The following ATP9B variants were observed in gnomAD, a reference collection of about 807,000 sequenced individuals.
ATP9B encodes the protein probable phospholipid-transporting ATPase IIB.
Under a neutral mutation model 146.1 loss-of-function variants are expected in ATP9B, and 110 were observed. The observed-to-expected ratio is 0.75, with a 90% CI of 0.65 to 0.88. The LOEUF (loss-of-function observed/expected upper bound fraction) is 0.88, where lower values mean the gene tolerates loss of function less well. Among genes scored for constraint, ATP9B ranks in the 40% least tolerant of loss-of-function variants. The pLI, the probability that ATP9B is intolerant of heterozygous loss-of-function variation, is 0.00. For missense variants in ATP9B, 1,499 were observed against 1,496.4 expected, an observed-to-expected ratio of 1.00 and a Z score of -0.03; for synonymous variants, 604 against 569.7, an observed-to-expected ratio of 1.06 and a Z score of -0.86.
chr18:79,347,758 C>T lies in ATP9B; in HGVS notation c.2683-12C>T. On this transcript the variant is annotated splice_polypyrimidine_tract_variant and intron_variant, in intron 23 of 29. Coordinates refer to ENST00000426216, the MANE Select transcript of ATP9B (RefSeq NM_198531.5). ...GCCATGTTTGAAAAGGCCCCGTGTG[C>T]TTTTCTCTCAGGAGGGTAAACAGGC... The T allele has an allele frequency of 6.5e-7, 1 of 1,532,630 alleles. No homozygotes were observed. Among genetic ancestry groups the T allele is most frequent in the Non-Finnish European group, 8.8e-7 (1 of 1,139,706 alleles). The allele number at this position is 1,532,630 out of a possible 1,614,324, so 94.9% of individuals were successfully genotyped here.
At chr18:79,100,965 TG>T in intron 2 of ATP9B, among the ~76,000 whole-genome samples, 1 of 152,292 alleles carries the variant, frequency 6.6e-6, no homozygotes, top group South Asian at 2.1e-4. Flanking sequence ...GTGGGAATTG[TG>T]GGAGTTAAAT....
rs376452932 is a variant in ATP9B at position 79,329,130 on chromosome 18, G to A, written c.1774-11G>A. The stretch of plus-strand genomic sequence containing the variant: ...GCAGCGGTGGCCTCAGTTGTTGCTG[G>A]TCTCCCGTAGGTCGCTCTGGTGCAG... On this transcript the variant is annotated splice_polypyrimidine_tract_variant and intron_variant, in intron 15 of 29. Transcript: ENST00000426216. 36 of 1,540,808 alleles carry A rather than the reference G, an allele frequency of 2.3e-5. No homozygotes were observed. In the East Asian group the frequency reaches 5.7e-4, roughly 25 times the overall value.
At chr18:79,346,447 C>T (rs540379406) in intron 23 of ATP9B, among the ~76,000 whole-genome samples, 114 of 140,980 alleles carry the variant, frequency 8.1e-4, no homozygotes, top group Non-Finnish European at 1.4e-3. Context: ...GCTCAGCGCA[C>T]AGTCAGCACA....
In ATP9B at chr18:79,341,809, G is replaced by C. The variant is rs113952487; in HGVS notation, c.2284-459G>C. On this transcript the variant is annotated intron_variant, in intron 19 of 29. Transcript: ENST00000426216. Reference sequence around the variant, plus strand: ...ATTTAGTTGTGGTTGGATGTGTGTAGCGTGACCTTGTTGAAGTTTGCGTTG... The same window carrying C: ...ATTTAGTTGTGGTTGGATGTGTGTACCGTGACCTTGTTGAAGTTTGCGTTG... Among the ~76,000 whole-genome samples the C allele has an allele frequency of 6.0e-3, 917 of 152,054 alleles. 6 individuals are homozygous for C. The highest frequency in any genetic ancestry group is 0.021 in the African/African-American group (861 of 41,386).
chr18:79,102,769 A>G (rs781480074), intron 2 of ATP9B, among the ~76,000 whole-genome samples: 1 of 152,210 alleles, frequency 6.6e-6, no homozygotes, highest in Non-Finnish European at 1.5e-5. Flanking sequence ...GATCATGAAC[A>G]TGGTACCTTT....
At chr18:79,377,159 G>A in intron 29 of ATP9B, 88 bp from the exon 30 acceptor site, 1 of 1,500,994 alleles carries the variant, frequency 6.7e-7, no homozygotes, top group Non-Finnish European at 9.1e-7. Flanking sequence ...TAGACCGTCT[G>A]GTGGCCTGGC....
intron 15 of ATP9B, among the ~76,000 whole-genome samples, chr18:79,323,765 G>A (rs573937251): frequency 1.3e-5 from 2 of 152,338 alleles, no homozygotes; most frequent in Admixed American, 6.5e-5. Flanking sequence ...CGCAGTACAC[G>A]TAGGGGTGCC....
intron 13 of ATP9B, among the ~76,000 whole-genome samples, chr18:79,287,209 G>A (rs1331824600): frequency 1.3e-5 from 2 of 152,182 alleles, no homozygotes; most frequent in Non-Finnish European, 2.9e-5. Context: ...GTTCCTCCTT[G>A]TACCTCTGGT....
At chr18:79,316,428 T>G (rs1274425618) in intron 15 of ATP9B, among the ~76,000 whole-genome samples, 1 of 152,142 alleles carries the variant, frequency 6.6e-6, no homozygotes, top group African/African-American at 2.4e-5. Flanking sequence ...CATCCACCCC[T>G]CAGCAGCCTT....
chr18:79,311,016 G>A (rs761498022), intron 15 of ATP9B, among the ~76,000 whole-genome samples: 2 of 152,128 alleles, frequency 1.3e-5, no homozygotes, highest in Non-Finnish European at 2.9e-5. Flanking sequence ...GCCAGGTGTG[G>A]TGGCAGGCTC....
intron 11 of ATP9B, among the ~76,000 whole-genome samples, chr18:79,247,912 CT>C (rs1171380732): frequency 5.9e-5 from 9 of 152,230 alleles, no homozygotes; most frequent in African/African-American, 2.2e-4. Context: ...TGAAATAATT[CT>C]TTCAGAATAG....
At position 79,355,652 on chromosome 18, in the gene ATP9B, G is replaced by A. The variant is rs536746032; in HGVS notation, c.2904-3702G>A. On this transcript the variant is annotated intron_variant, in intron 25 of 29. Coordinates refer to ENST00000426216, the MANE Select transcript of ATP9B (RefSeq NM_198531.5). ...TTGTGCCGTGGGAGCCCCGGCCGCTGTACCGTTTGTGCCGTGGGAGTTCCA... is the reference window on the plus strand; with the variant it reads ...TTGTGCCGTGGGAGCCCCGGCCGCTATACCGTTTGTGCCGTGGGAGTTCCA... Among the ~76,000 whole-genome samples the A allele has an allele frequency of 4.0e-5, 6 of 149,584 alleles. No individual in the cohort carries two copies. The South Asian group carries it at 8.3e-4, about 21-fold the overall frequency.
chr18:79,257,533 G>T (rs2096094846), intron 12 of ATP9B, among the ~76,000 whole-genome samples: 1 of 152,208 alleles, frequency 6.6e-6, no homozygotes, highest in Non-Finnish European at 1.5e-5. Context: ...ACCTTGCAGG[G>T]CTTCAGAGCA....
intron 17 of ATP9B, among the ~76,000 whole-genome samples, chr18:79,333,740 G>C (rs1375166969): frequency 6.6e-6 from 1 of 152,160 alleles, no homozygotes; most frequent in Non-Finnish European, 1.5e-5. Flanking sequence ...CAGGTTAGCA[G>C]CTGCACCACC....
chr18:79,104,589 A>G (rs1307794090), intron 2 of ATP9B, among the ~76,000 whole-genome samples: 1 of 151,248 alleles, frequency 6.6e-6, no homozygotes, highest in African/African-American at 2.5e-5. Context: ...GTGAAATGTA[A>G]CAGCCAAATT....
chr18:79,282,778 C>T (rs934700293), intron 13 of ATP9B, among the ~76,000 whole-genome samples: 1 of 152,170 alleles, frequency 6.6e-6, no homozygotes, highest in African/African-American at 2.4e-5. Flanking sequence ...TTCCTATGTA[C>T]TTCATATCCT....
At chr18:79,280,906 A>G (rs1321594421) in intron 13 of ATP9B, among the ~76,000 whole-genome samples, 1 of 152,216 alleles carries the variant, frequency 6.6e-6, no homozygotes, top group Non-Finnish European at 1.5e-5. Flanking sequence ...TACAGATTCA[A>G]AATGCCTAGA....
At chr18:79,079,279 C>G (rs1225685582) in intron 1 of ATP9B, among the ~76,000 whole-genome samples, 1 of 152,232 alleles carries the variant, frequency 6.6e-6, no homozygotes, top group Admixed American at 6.5e-5. Flanking sequence ...CTCCCACCAA[C>G]AGTATAAAAG....
At chr18:79,349,074 G>C (rs1169882148) in intron 25 of ATP9B, among the ~76,000 whole-genome samples, 2 of 152,242 alleles carry the variant, frequency 1.3e-5, no homozygotes, top group African/African-American at 4.8e-5. Context: ...AGCTGATTTT[G>C]CTGCTGTATC....
Sources: gnomAD v4.1 joint callset for allele counts (sites outside exome capture counted in the v4.1 genomes callset) on GRCh38, gnomAD v4.1.1 for gene constraint, MANE v1.5 for transcripts, NCBI Gene and HGNC (gene_info 2026-07-23, HGNC 2026-07-21) for gene names.